Variants in CYB5R4 observed in about 807,000 individuals in gnomAD.
CYB5R4 encodes the protein cytochrome b5 reductase 4.
CYB5R4 carries 55 observed loss-of-function variants against 70.2 expected under a neutral mutation model. The ratio of observed to expected loss-of-function variants is 0.78; its 90% CI spans 0.63 to 0.98. CYB5R4 has a LOEUF of 0.98. CYB5R4 is among the 50% of genes least tolerant of loss of function. The pLI, the probability that CYB5R4 is intolerant of heterozygous loss-of-function variation, is 0.00. For missense variants in CYB5R4, 562 were observed against 612.6 expected, an observed-to-expected ratio of 0.92 and a Z score of 0.87; for synonymous variants, 197 against 199.5, an observed-to-expected ratio of 0.99 and a Z score of 0.11.
In CYB5R4 at chr6:83,936,983, C is replaced by A. The variant is rs561161325; in HGVS notation, c.1108+607C>A. 5.9e-5 allele frequency among the ~76,000 whole-genome samples: 9 copies of A among 152,270 alleles called. No individual in the cohort carries two copies. The South Asian group carries it at 1.7e-3, about 28-fold the overall frequency. Reference sequence around the variant, plus strand: ...CCTGTCAAGTACTTTTTTAAAAAGACCCAAACATGGGCTGGGTGCGGTGGC... The same window carrying A: ...CCTGTCAAGTACTTTTTTAAAAAGAACCAAACATGGGCTGGGTGCGGTGGC... On this transcript the variant is annotated intron_variant, in intron 12 of 15. Coordinates refer to ENST00000369681, the MANE Select transcript of CYB5R4 (RefSeq NM_016230.4).
chr6:83,868,879 C>T (rs1054164768), intron 2 of CYB5R4, among the ~76,000 whole-genome samples: 1 of 152,154 alleles, frequency 6.6e-6, no homozygotes, highest in Non-Finnish European at 1.5e-5. Context: ...ATGGTTCACC[C>T]TTTTATCTTA....
At chr6:83,883,858 A>G (rs769664965) in intron 2 of CYB5R4, among the ~76,000 whole-genome samples, 1 of 152,146 alleles carries the variant, frequency 6.6e-6, no homozygotes, top group African/African-American at 2.4e-5. Flanking sequence ...TGGTTCTTAT[A>G]TTACGTGGGA....
intron 14 of CYB5R4, among the ~76,000 whole-genome samples, chr6:83,942,631 A>T (rs748637304): frequency 5.2e-4 from 79 of 152,046 alleles, no homozygotes; most frequent in Non-Finnish European, 7.9e-4. Context: ...ACTCCCCTGG[A>T]AAGGGGGCTG....
At chr6:83,860,448 C>A (rs563109263) in intron 1 of CYB5R4, among the ~76,000 whole-genome samples, 2 of 152,286 alleles carry the variant, frequency 1.3e-5, no homozygotes, top group Admixed American at 6.5e-5. Flanking sequence ...CACTTGCTAA[C>A]TTCGAAGCAA....
intron 10 of CYB5R4, among the ~76,000 whole-genome samples, chr6:83,925,340 A>G (rs901216527): frequency 2.6e-5 from 4 of 152,128 alleles, no homozygotes; most frequent in African/African-American, 9.7e-5. Flanking sequence ...ATCCGCCCCC[A>G]TGCTCCAGTC....
chr6:83,943,991 A>T (rs2099470181), intron 14 of CYB5R4, among the ~76,000 whole-genome samples: 1 of 152,186 alleles, frequency 6.6e-6, no homozygotes, highest in Non-Finnish European at 1.5e-5. Flanking sequence ...GAGAGAATGG[A>T]ACCAAGTTGG....
rs570298106 is a variant in CYB5R4 at position 83,922,267 on chromosome 6, A to C, written c.659-171A>C. ...AAACAATTGAAAATGTATGTATTTA[A>C]ATGATTTGATTCTTTATTTTGATTG... On this transcript the variant is annotated intron_variant, in intron 8 of 15. Transcript: ENST00000369681. 2.6e-5 allele frequency among the ~76,000 whole-genome samples: 4 copies of C among 152,328 alleles called. No homozygotes were observed. The South Asian group carries it at 8.3e-4, about 32-fold the overall frequency.
At chr6:83,894,404 G>T (rs2099461555) in intron 3 of CYB5R4, among the ~76,000 whole-genome samples, 1 of 151,986 alleles carries the variant, frequency 6.6e-6, no homozygotes, top group Non-Finnish European at 1.5e-5. Flanking sequence ...ATCAGGTTGG[G>T]TTATATTATA....
At chr6:83,904,379 C>A (rs534067338) in intron 3 of CYB5R4, among the ~76,000 whole-genome samples, 5 of 152,024 alleles carry the variant, frequency 3.3e-5, no homozygotes, top group African/African-American at 1.2e-4. Context: ...ATTTATTTTA[C>A]TGGGGCCTGA....
chr6:83,898,048 T>G (rs2099462206), intron 3 of CYB5R4, among the ~76,000 whole-genome samples: 1 of 151,540 alleles, frequency 6.6e-6, no homozygotes. Context: ...TTAAAAACAT[T>G]TTTATGTTTT....
At chr6:83,867,683 G>A (rs1246041566) in intron 2 of CYB5R4, among the ~76,000 whole-genome samples, 1 of 152,232 alleles carries the variant, frequency 6.6e-6, no homozygotes, top group African/African-American at 2.4e-5. Flanking sequence ...AAAATTACAT[G>A]TGTAAGGGAA....
chr6:83,909,975 C>T, intron 4 of CYB5R4: 1 of 1,509,616 alleles, frequency 6.6e-7, no homozygotes, highest in Non-Finnish European at 9.1e-7. Context: ...ATCTTATATG[C>T]ATTAGTTTTT....
At chr6:83,862,812 G>A (rs1187393523) in intron 1 of CYB5R4, among the ~76,000 whole-genome samples, 3 of 152,132 alleles carry the variant, frequency 2.0e-5, no homozygotes, top group East Asian at 3.9e-4. Context: ...GGATGGGAAA[G>A]GTCATTTTCT....
At chr6:83,952,808 ACT>A (rs202081473) in intron 14 of CYB5R4, among the ~76,000 whole-genome samples, 6 of 145,198 alleles carry the variant, frequency 4.1e-5, no homozygotes, top group Admixed American at 3.4e-4. Context: ...GCACAGTGAC[ACT>A]CTGTGGCTCA....
chr6:83,910,035 G>A (rs1045246265), intron 4 of CYB5R4: 22 of 1,611,862 alleles, frequency 1.4e-5, no homozygotes, highest in African/African-American at 5.3e-5. Context: ...AAGCTGGTAC[G>A]CATGCATTGG....
intron 3 of CYB5R4, among the ~76,000 whole-genome samples, chr6:83,907,696 T>G (rs2099464024): frequency 6.6e-6 from 1 of 152,210 alleles, no homozygotes. Flanking sequence ...TTCTCATCAT[T>G]TAGCTCCCAC....
chr6:83,940,006 T>G, intron 12 of CYB5R4, 50 bp from the exon 13 acceptor site: 2 of 1,402,922 alleles, frequency 1.4e-6, no homozygotes, highest in Non-Finnish European at 1.9e-6. Context: ...GTTTTTTGTT[T>G]TGTTTTTTGT....
At chr6:83,892,821 T>C (rs959225226) in intron 2 of CYB5R4, among the ~76,000 whole-genome samples, 1 of 143,544 alleles carries the variant, frequency 7.0e-6, no homozygotes, top group South Asian at 2.1e-4. Context: ...TCTGTAGTAG[T>C]CACTTTCTCT....
chr6:83,865,778 T>C (rs1288045455), intron 2 of CYB5R4, among the ~76,000 whole-genome samples: 2 of 152,082 alleles, frequency 1.3e-5, no homozygotes, highest in African/African-American at 2.4e-5. Flanking sequence ...AATTAGAGTG[T>C]GAAATTTTCA....
Sources: allele counts gnomAD v4.1 joint callset (sites outside exome capture counted in the v4.1 genomes callset), GRCh38; gene constraint gnomAD v4.1.1; transcripts MANE v1.5; gene names NCBI Gene and HGNC (gene_info 2026-07-23, HGNC 2026-07-21).